GRIK2: variants seen among roughly 807,000 people sequenced by gnomAD.
GRIK2 encodes the protein glutamate receptor ionotropic, kainate 2.
A neutral mutation model predicts 100.3 loss-of-function variants in GRIK2; 32 were observed. That is an observed-to-expected ratio of 0.32 (90% CI 0.24 to 0.43). The LOEUF is 0.43. Ranked by LOEUF, GRIK2 falls within the 20% of genes least tolerant of loss-of-function variation. The pLI is 1.00. For missense variants in GRIK2, 843 were observed against 1,114.9 expected, an observed-to-expected ratio of 0.76 and a Z score of 3.47; for synonymous variants, 417 against 389.4, an observed-to-expected ratio of 1.07 and a Z score of -0.83.
intron 2 of GRIK2, among the ~76,000 whole-genome samples, chr6:101,403,165 C>T (rs1402909504): frequency 6.6e-6 from 1 of 152,198 alleles, no homozygotes; most frequent in Non-Finnish European, 1.5e-5. Flanking sequence ...TGTTTCCGAT[C>T]TTCAAGGTCA....
intron 7 of GRIK2, among the ~76,000 whole-genome samples, chr6:101,788,380 A>C (rs1202348746): frequency 6.6e-6 from 1 of 150,632 alleles, no homozygotes; most frequent in Admixed American, 6.6e-5. Flanking sequence ...CCACAATAGT[A>C]CCCAGAGTGT....
At chr6:101,543,131 TG>T (rs1170202208) in intron 2 of GRIK2, among the ~76,000 whole-genome samples, 3 of 152,154 alleles carry the variant, frequency 2.0e-5, no homozygotes, top group Non-Finnish European at 4.4e-5. Context: ...CAGAAAATGA[TG>T]GATGTCCTGC....
Position 101,804,019 on chromosome 6 carries a change from C to T in GRIK2, c.1203+1581C>T, listed in dbSNP as rs535442593. On this transcript the variant is annotated intron_variant, in intron 9 of 16. Transcript: ENST00000369134. ...ATGTTCAGTCCTTATCCTCAAGGGG[C>T]TTTTCATGTACAGTGATAAGATAAT... Among the ~76,000 whole-genome samples the T allele has an allele frequency of 1.3e-4, 20 of 151,870 alleles. No individual in the cohort carries two copies. The South Asian group carries it at 3.7e-3, about 28-fold the overall frequency.
intron 2 of GRIK2, among the ~76,000 whole-genome samples, chr6:101,612,699 T>C (rs1779732168): frequency 6.7e-6 from 1 of 148,488 alleles, no homozygotes; most frequent in Non-Finnish European, 1.5e-5. Flanking sequence ...GAGATAAATT[T>C]ACAGATGTAT....
At chr6:101,439,452 C>T (rs1030351645) in intron 2 of GRIK2, among the ~76,000 whole-genome samples, 4 of 152,204 alleles carry the variant, frequency 2.6e-5, no homozygotes, top group African/African-American at 4.8e-5. Flanking sequence ...CACAACAACC[C>T]TATGAGAAAA....
intron 2 of GRIK2, among the ~76,000 whole-genome samples, chr6:101,440,972 A>AT (rs570045381): frequency 0.03 from 4,041 of 135,982 alleles, 74 homozygotes; most frequent in African/African-American, 0.038. Flanking sequence ...GCAGGCCTGA[A>AT]TTTTTTTTTT....
chr6:101,781,703 A>C (rs1373765507), intron 7 of GRIK2, among the ~76,000 whole-genome samples: 1 of 152,094 alleles, frequency 6.6e-6, no homozygotes, highest in East Asian at 1.9e-4. Flanking sequence ...ATATTTTAAT[A>C]ATATAGTTTC....
intron 13 of GRIK2, chr6:101,927,435 GAA>G (rs1212576904): frequency 6.0e-6 from 1 of 167,006 alleles, no homozygotes; most frequent in Non-Finnish European, 1.2e-5. Flanking sequence ...GATTAAAAGT[GAA>G]CAGTAATATA....
intron 14 of GRIK2, among the ~76,000 whole-genome samples, chr6:101,949,704 A>G (rs747728871): frequency 7.2e-5 from 11 of 152,134 alleles, no homozygotes; most frequent in Non-Finnish European, 1.3e-4. Flanking sequence ...TTATGGCTGC[A>G]TAGTATTTCA....
intron 2 of GRIK2, among the ~76,000 whole-genome samples, chr6:101,556,321 A>AGTTTTTT (rs1776735831): frequency 1.7e-5 from 1 of 59,396 alleles, no homozygotes; most frequent in African/African-American, 5.6e-5. Context: ...TATATTGGTA[A>AGTTTTTT]TTTTTTTTTT....
intron 2 of GRIK2, among the ~76,000 whole-genome samples, chr6:101,552,214 G>GAA (rs1158277248): frequency 6.6e-6 from 1 of 152,152 alleles, no homozygotes; most frequent in Non-Finnish European, 1.5e-5. Context: ...TGGCAGTTGA[G>GAA]AAAATTTGAG....
At chr6:101,942,805 G>A (rs1791036230) in intron 14 of GRIK2, among the ~76,000 whole-genome samples, 1 of 152,152 alleles carries the variant, frequency 6.6e-6, no homozygotes, top group African/African-American at 2.4e-5. Context: ...TGAAAGGGAA[G>A]CAAAGCATAA....
chr6:101,621,828 C>A, intron 2 of GRIK2, 121 bp from the exon 3 acceptor site: 1 of 688,598 alleles, frequency 1.5e-6, no homozygotes, highest in Non-Finnish European at 2.6e-6. Flanking sequence ...CTCTCACACA[C>A]ACACACGCAA....
At chr6:101,727,953 TATTA>T (rs1034183486) in intron 7 of GRIK2, among the ~76,000 whole-genome samples, 16 of 152,098 alleles carry the variant, frequency 1.1e-4, no homozygotes, top group Non-Finnish European at 1.6e-4. Context: ...TAATTATTTT[TATTA>T]ATTAAATGCA....
chr6:101,556,336 T>TTA lies in GRIK2; in HGVS notation c.116-65612_116-65611insAT, dbSNP rs1288002864. On this transcript the variant is annotated intron_variant, in intron 2 of 16. Coordinates refer to ENST00000369134, the MANE Select transcript of GRIK2 (RefSeq NM_021956.5). ...TATATTGGTAATTTTTTTTTTTTTT[T>TTA]TTTTTTTTTTTTTTTTGAGACCGAG... 5.1e-3 allele frequency among the ~76,000 whole-genome samples: 392 copies of TTA among 76,418 alleles called. 12 individuals carry two copies. The highest frequency in any genetic ancestry group is 8.1e-3 in the Non-Finnish European group (314 of 38,966). 50.1% of individuals were successfully genotyped at this position (76,418 alleles called of 152,430 possible).
chr6:101,474,141 T>A (rs1772102157), intron 2 of GRIK2, among the ~76,000 whole-genome samples: 1 of 151,846 alleles, frequency 6.6e-6, no homozygotes, highest in African/African-American at 2.4e-5. Context: ...CTCTCTTCTG[T>A]TAGGTCAATG....
At chr6:101,456,899 T>C (rs1319021685) in intron 2 of GRIK2, among the ~76,000 whole-genome samples, 1 of 152,154 alleles carries the variant, frequency 6.6e-6, no homozygotes, top group East Asian at 1.9e-4. Flanking sequence ...CAAGCAATAC[T>C]AGAGGACAAA....
Position 101,988,039 on chromosome 6 carries a change from A to G in GRIK2, c.2086-47302A>G, listed in dbSNP as rs9498795. 9.6e-3 allele frequency among the ~76,000 whole-genome samples: 1,460 copies of G among 151,638 alleles called. 27 individuals are homozygous for G. Among genetic ancestry groups the G allele is most frequent in the African/African-American group, 0.034 (1,414 of 41,384 alleles). On this transcript the variant is annotated intron_variant, in intron 14 of 16. Coordinates refer to ENST00000369134, the MANE Select transcript of GRIK2 (RefSeq NM_021956.5). ...TTTTCTCCTTCAGCTACTGCTTCAA[A>G]TAACTCAGTACTGTGAGAACTGATA...
At position 101,945,428 on chromosome 6, in the gene GRIK2, G is replaced by A. The variant is rs955894864; in HGVS notation, c.2085+16796G>A. Among the ~76,000 whole-genome samples, 11 of 151,932 alleles carry A rather than the reference G, an allele frequency of 7.2e-5. 1 individual carries two copies. Among genetic ancestry groups the A allele is most frequent in the South Asian group, 2.1e-4 (1 of 4,808 alleles). On this transcript the variant is annotated intron_variant, in intron 14 of 16. Transcript: ENST00000369134. ...TGATTATTCTCCATTCTAACAGAGG[G>A]CAATGCCATCAATGCTGTTGCTCAC... is the stretch of plus-strand genomic sequence containing the variant.
Sources: allele counts gnomAD v4.1 joint callset (sites outside exome capture counted in the v4.1 genomes callset), GRCh38; gene constraint gnomAD v4.1.1; transcripts MANE v1.5; gene names NCBI Gene and HGNC (gene_info 2026-07-23, HGNC 2026-07-21).